The following EPHA7 variants were observed in gnomAD, a reference collection of about 807,000 sequenced individuals.
The protein encoded by EPHA7 is EPH receptor A7.
In EPHA7, 25 loss-of-function variants were observed where a neutral mutation model predicts 112.6. The ratio of observed to expected loss-of-function variants is 0.22; its 90% CI spans 0.16 to 0.31. EPHA7 has a LOEUF of 0.31. EPHA7 is among the 10% of genes least tolerant of loss of function. The pLI, the probability that EPHA7 is intolerant of heterozygous loss-of-function variation, is 1.00. For missense variants in EPHA7, 962 were observed against 1,212.6 expected (o/e 0.79, Z 3.07); for synonymous variants, 437 against 406.5 (o/e 1.07, Z -0.90).
chr6:93,333,719 T>C (rs539214300), intron 5 of EPHA7, among the ~76,000 whole-genome samples: 1 of 152,020 alleles, frequency 6.6e-6, no homozygotes, highest in East Asian at 1.9e-4. Flanking sequence ...GTAATAGGAT[T>C]GTTTAATACT....
At chr6:93,301,228 T>C (rs1772961687) in intron 5 of EPHA7, among the ~76,000 whole-genome samples, 1 of 152,194 alleles carries the variant, frequency 6.6e-6, no homozygotes, top group Non-Finnish European at 1.5e-5. Flanking sequence ...GTTTCTTTTT[T>C]TTAAAATTGA....
intron 7 of EPHA7, among the ~76,000 whole-genome samples, chr6:93,267,183 T>C (rs1025444678): frequency 1.3e-5 from 2 of 151,770 alleles, no homozygotes; most frequent in African/African-American, 4.8e-5. Context: ...CATTTTTTGA[T>C]ATCCCCAACA....
intron 5 of EPHA7, among the ~76,000 whole-genome samples, chr6:93,327,801 C>G (rs569052006): frequency 1.3e-5 from 2 of 151,624 alleles, no homozygotes; most frequent in African/African-American, 4.8e-5. Flanking sequence ...AAACTAATCT[C>G]TTGCTCCTGA....
intron 3 of EPHA7, among the ~76,000 whole-genome samples, chr6:93,398,321 G>C (rs925856062): frequency 4.0e-5 from 6 of 151,858 alleles, no homozygotes; most frequent in Admixed American, 3.3e-4. Flanking sequence ...TTGATTGAGA[G>C]TGGTAATTCT....
intron 5 of EPHA7, among the ~76,000 whole-genome samples, chr6:93,306,283 T>C (rs1315600513): frequency 6.6e-6 from 1 of 151,988 alleles, no homozygotes; most frequent in Non-Finnish European, 1.5e-5. Flanking sequence ...TCACTTAATA[T>C]GATAAGGGTA....
At chr6:93,389,460 A>C (rs182785429) in intron 3 of EPHA7, among the ~76,000 whole-genome samples, 12 of 152,154 alleles carry the variant, frequency 7.9e-5, no homozygotes, top group Non-Finnish European at 1.5e-4. Context: ...ATTCGTCTGG[A>C]AGAAATATTC....
intron 5 of EPHA7, among the ~76,000 whole-genome samples, chr6:93,286,775 C>G (rs1014099162): frequency 6.6e-6 from 1 of 152,018 alleles, no homozygotes; most frequent in African/African-American, 2.4e-5. Flanking sequence ...TTGCTTGTAT[C>G]TGGGAGTTTT....
chr6:93,329,533 T>C (rs1039018261), intron 5 of EPHA7, among the ~76,000 whole-genome samples: 4 of 151,316 alleles, frequency 2.6e-5, no homozygotes, highest in Admixed American at 2.0e-4. Flanking sequence ...GAACTGTGTA[T>C]GAATCCTGAC....
In EPHA7 at chr6:93,245,382, T is replaced by C. The variant is rs766896709; in HGVS notation, c.2798A>G (p.Gln933Arg). 1.9e-6 allele frequency: 3 copies of C among 1,613,758 alleles called. No homozygotes were observed. Among genetic ancestry groups the C allele is most frequent in the Non-Finnish European group, 1.7e-6 (2 of 1,179,832 alleles). ...TTFCSVGEWL[Q>R]AIKMERYKDN... is the part of the protein sequence containing the mutation. ...TTTATATCTTTCCATCTTAATAGCT[T>C]GTAGCCATTCTCCAACTGAACAAAA... is the stretch of plus-strand genomic sequence containing the variant. Residue 933 changes from glutamine (Q) to arginine (R), a missense_variant, in exon 16 of 17, where the codon CAA (glutamine) becomes CGA (arginine). Physicochemically the swap from Gln to Arg is conservative, Grantham distance 43. Transcript: ENST00000369303.
chr6:93,343,134 T>C lies in EPHA7; in HGVS notation c.1324+13583A>G, dbSNP rs531445558. Among the ~76,000 whole-genome samples the C allele has an allele frequency of 7.9e-5, 12 of 151,858 alleles. No individual in the cohort carries two copies. In the South Asian group the frequency reaches 1.7e-3, roughly 21 times the overall value. ...TTGACTTTTCCAAAACTTTATACTT[T>C]TTAATTTAAACTTGAAAAACATCCA... On this transcript the variant is annotated intron_variant, in intron 5 of 16. Coordinates refer to ENST00000369303, the MANE Select transcript of EPHA7 (RefSeq NM_004440.4).
chr6:93,412,658 T>C (rs1162338961), intron 2 of EPHA7, among the ~76,000 whole-genome samples: 1 of 152,092 alleles, frequency 6.6e-6, no homozygotes, highest in Non-Finnish European at 1.5e-5. Context: ...CAGCCAAACA[T>C]AACCAAATTC....
intron 3 of EPHA7, among the ~76,000 whole-genome samples, chr6:93,379,103 G>T (rs1777207654): frequency 6.6e-6 from 1 of 151,972 alleles, no homozygotes; most frequent in African/African-American, 2.4e-5. Context: ...AAATACGTTA[G>T]CATTACTCAA....
intron 5 of EPHA7, among the ~76,000 whole-genome samples, chr6:93,315,965 T>C (rs1230598345): frequency 1.3e-5 from 2 of 152,198 alleles, no homozygotes; most frequent in Non-Finnish European, 2.9e-5. Flanking sequence ...TTGATTTCAT[T>C]GTTCCTGTTG....
chr6:93,332,960 G>A (rs1269453173), intron 5 of EPHA7, among the ~76,000 whole-genome samples: 1 of 151,582 alleles, frequency 6.6e-6, no homozygotes, highest in Non-Finnish European at 1.5e-5. Context: ...TGGTTGTTTG[G>A]TGTACAGATT....
chr6:93,269,922 A>T (rs960540284), intron 6 of EPHA7, among the ~76,000 whole-genome samples: 2 of 151,782 alleles, frequency 1.3e-5, no homozygotes, highest in Admixed American at 1.3e-4. Flanking sequence ...GTAATATGTG[A>T]CAAGAACTAT....
Position 93,375,803 on chromosome 6 carries a change from G to A in EPHA7, c.833-17392C>T, listed in dbSNP as rs1241723555. Among the ~76,000 whole-genome samples the A allele has an allele frequency of 2.0e-5, 3 of 152,166 alleles. No homozygotes were observed. In the East Asian group the frequency reaches 5.8e-4, roughly 29 times the overall value. Reference sequence around the variant, plus strand: ...TGATGTAAGTCTCTATACACAATTTGCTGTTAATCTGCTTCCCACCTAACC... The same window carrying A: ...TGATGTAAGTCTCTATACACAATTTACTGTTAATCTGCTTCCCACCTAACC... On this transcript the variant is annotated intron_variant, in intron 3 of 16. Transcript: ENST00000369303.
intron 5 of EPHA7, among the ~76,000 whole-genome samples, chr6:93,273,313 G>A (rs892876504): frequency 3.3e-5 from 5 of 151,786 alleles, no homozygotes; most frequent in African/African-American, 1.2e-4. Context: ...AATTTCAGTG[G>A]GGTCATTATG....
intron 5 of EPHA7, among the ~76,000 whole-genome samples, chr6:93,316,588 A>C (rs1224130267): frequency 6.6e-6 from 1 of 152,134 alleles, no homozygotes; most frequent in Admixed American, 6.5e-5. Context: ...GTATCTACCT[A>C]TCAGATACAA....
At chr6:93,277,518 A>G (rs962822530) in intron 5 of EPHA7, among the ~76,000 whole-genome samples, 3 of 152,034 alleles carry the variant, frequency 2.0e-5, no homozygotes, top group Non-Finnish European at 4.4e-5. Flanking sequence ...ACTAAGGGTA[A>G]TTGAACCTGT....
Sources: allele counts gnomAD v4.1 joint callset (sites outside exome capture counted in the v4.1 genomes callset), GRCh38; gene constraint gnomAD v4.1.1; transcripts MANE v1.5; gene names NCBI Gene and HGNC (gene_info 2026-07-23, HGNC 2026-07-21).